The following FAM118B variants were observed in gnomAD, a reference collection of about 807,000 sequenced individuals.
The protein encoded by FAM118B is protein FAM118B.
FAM118B carries 24 observed loss-of-function variants against 38.5 expected under a neutral mutation model. The ratio of observed to expected loss-of-function variants is 0.62; its 90% CI spans 0.45 to 0.88. The LOEUF is 0.88. Among genes scored for constraint, FAM118B ranks in the 40% least tolerant of loss-of-function variants. The pLI is 0.00. For missense variants in FAM118B, 334 were observed against 420.0 expected (o/e 0.80, Z 1.79); for synonymous variants, 138 against 156.3 (o/e 0.88, Z 0.87).
chr11:126,214,064 T>C (rs1245477449), intron 1 of FAM118B, among the ~76,000 whole-genome samples: 2 of 152,188 alleles, frequency 1.3e-5, no homozygotes, highest in Non-Finnish European at 2.9e-5. Context: ...AAAGAATTTA[T>C]GTGGCCGGGC....
intron 7 of FAM118B, chr11:126,261,155 G>GAAATGTAAAATGTAAAATGTA: frequency 5.5e-6 from 2 of 364,604 alleles, no homozygotes; most frequent in South Asian, 8.9e-5. Flanking sequence ...GCCTGTATGT[G>GAAATGTAAAATGTAAAATGTA]AAATGTAAAA....
chr11:126,218,530 G>T (rs370242570), intron 1 of FAM118B, among the ~76,000 whole-genome samples: 2,107 of 151,502 alleles, frequency 0.014, 48 homozygotes, highest in African/African-American at 0.048. Context: ...GGGATTTTGG[G>T]TTTTTTTTTG....
At chr11:126,219,922 T>C (rs1389651559) in intron 1 of FAM118B, among the ~76,000 whole-genome samples, 1 of 151,778 alleles carries the variant, frequency 6.6e-6, no homozygotes, top group East Asian at 1.9e-4. Context: ...AATAAGACAT[T>C]GAAGGAAGAA....
intron 1 of FAM118B, among the ~76,000 whole-genome samples, chr11:126,215,110 T>C (rs973543827): frequency 3.3e-5 from 5 of 152,176 alleles, no homozygotes; most frequent in Non-Finnish European, 7.4e-5. Flanking sequence ...CCAGGAGATG[T>C]GGGACTAGTT....
At chr11:126,219,960 A>G (rs1334997531) in intron 1 of FAM118B, among the ~76,000 whole-genome samples, 1 of 151,584 alleles carries the variant, frequency 6.6e-6, no homozygotes, top group African/African-American at 2.4e-5. Context: ...GCTTATATGT[A>G]TGGAGATTTA....
rs1260082232 is a variant in FAM118B at position 126,253,567 on chromosome 11, G to T, written c.568-738G>T. 6.6e-6 allele frequency among the ~76,000 whole-genome samples: 1 copy of T among 152,124 alleles called. No individual in the cohort carries two copies. Among genetic ancestry groups the T allele is most frequent in the Non-Finnish European group, 1.5e-5 (1 of 68,016 alleles). On this transcript the variant is annotated intron_variant, in intron 5 of 8. Coordinates refer to ENST00000533050, the MANE Select transcript of FAM118B (RefSeq NM_024556.4). This position sits in a 1 kb window ranked among gnomAD's most constrained non-coding sequence, Gnocchi z 5.1. ...TAATGGCCGTGAAACTTTGTGGCTT[G>T]TAACAACAAATATCTTATCTGCCCA...
In FAM118B at chr11:126,255,720, A is replaced by G. The variant is rs759826099; in HGVS notation, c.697-847A>G. Among the ~76,000 whole-genome samples, 4 of 152,248 alleles carry G rather than the reference A, an allele frequency of 2.6e-5. No individual in the cohort carries two copies. Among genetic ancestry groups the G allele is most frequent in the Non-Finnish European group, 5.9e-5 (4 of 68,048 alleles). ...GTAATCCCAACACTTTGGGAGGCTGAGGCAGGCAGATCACATGAGGTCAGG... is the reference window on the plus strand; with the variant it reads ...GTAATCCCAACACTTTGGGAGGCTGGGGCAGGCAGATCACATGAGGTCAGG... On this transcript the variant is annotated intron_variant, in intron 6 of 8. Transcript: ENST00000533050. This position sits in a 1 kb window ranked among gnomAD's most constrained non-coding sequence, Gnocchi z 4.6.
At position 126,238,729 on chromosome 11, in the gene FAM118B, A is replaced by C. The variant is rs185416813; in HGVS notation, c.87-2063A>C. Among the ~76,000 whole-genome samples, 72 of 152,282 alleles carry C rather than the reference A, an allele frequency of 4.7e-4. 1 individual carries two copies. The highest frequency in any genetic ancestry group is 1.5e-3 in the African/African-American group (64 of 41,580). The stretch of plus-strand genomic sequence containing the variant: ...TAACTGATTCTCCTATTTTAGCCCC[A>C]CCAGCCCCTCTACCTTTAGATGTAC... On this transcript the variant is annotated intron_variant, in intron 3 of 8. Transcript: ENST00000533050.
intron 1 of FAM118B, among the ~76,000 whole-genome samples, chr11:126,226,177 T>C (rs1950139462): frequency 1.0e-5 from 1 of 100,210 alleles, no homozygotes; most frequent in Non-Finnish European, 2.0e-5. Flanking sequence ...CGCAAGTTCC[T>C]ATCACTGTGA....
chr11:126,260,767 A>G (rs1950674084), intron 7 of FAM118B: 1 of 152,198 alleles, frequency 6.6e-6, no homozygotes, highest in South Asian at 2.1e-4. Flanking sequence ...CCATATTTCT[A>G]ATGACTATTT....
At chr11:126,222,938 T>C (rs754004654) in intron 1 of FAM118B, among the ~76,000 whole-genome samples, 1 of 152,098 alleles carries the variant, frequency 6.6e-6, no homozygotes, top group Non-Finnish European at 1.5e-5. Flanking sequence ...AGATACAAAC[T>C]AGGAGATGAA....
At chr11:126,220,085 A>G (rs1280126540) in intron 1 of FAM118B, among the ~76,000 whole-genome samples, 1 of 152,184 alleles carries the variant, frequency 6.6e-6, no homozygotes, top group African/African-American at 2.4e-5. Context: ...GCTTTTCTCC[A>G]CATAAATCCG....
intron 2 of FAM118B, 142 bp from the exon 3 acceptor site, chr11:126,234,853 T>G (rs1037727013): frequency 2.2e-5 from 12 of 535,290 alleles, no homozygotes; most frequent in Non-Finnish European, 3.6e-5. Context: ...GTTCATTAAT[T>G]AACAAATTTC....
At chr11:126,248,961 C>G (rs1299686595) in intron 4 of FAM118B, among the ~76,000 whole-genome samples, 1 of 152,230 alleles carries the variant, frequency 6.6e-6, no homozygotes, top group Non-Finnish European at 1.5e-5. Flanking sequence ...TTTGTCTTTT[C>G]AGTTGTAAAG....
intron 4 of FAM118B, among the ~76,000 whole-genome samples, chr11:126,247,891 A>C (rs986500425): frequency 6.8e-6 from 1 of 146,704 alleles, no homozygotes; most frequent in Non-Finnish European, 1.5e-5. Context: ...CTATATATAT[A>C]TATAGATATA....
At chr11:126,261,532 T>C (rs1410754493) in intron 8 of FAM118B, 48 bp downstream of exon 8, 5 of 1,488,100 alleles carry the variant, frequency 3.4e-6, no homozygotes, top group Non-Finnish European at 3.7e-6. Context: ...GCAGAAAGTC[T>C]TTCTAGGTCC....
chr11:126,226,146 G>A (rs2936612), intron 1 of FAM118B, among the ~76,000 whole-genome samples: 2,890 of 109,534 alleles, frequency 0.026, no homozygotes, highest in East Asian at 0.22. Flanking sequence ...TGTGAGTTAG[G>A]CAGGCCAGAA....
chr11:126,240,690 C>G, intron 3 of FAM118B, 102 bp from the exon 4 acceptor site: 1 of 1,233,626 alleles, frequency 8.1e-7, no homozygotes, highest in Non-Finnish European at 1.1e-6. Flanking sequence ...TTCTTTGCAA[C>G]TATAAAAGTT....
At chr11:126,243,157 C>G (rs2135179224) in intron 4 of FAM118B, among the ~76,000 whole-genome samples, 1 of 152,252 alleles carries the variant, frequency 6.6e-6, no homozygotes, top group Middle Eastern at 3.4e-3. Context: ...CAGGCAAATC[C>G]ATAGAACAGA....
Sources: allele counts gnomAD v4.1 joint callset (sites outside exome capture counted in the v4.1 genomes callset), GRCh38; gene constraint gnomAD v4.1.1; non-coding constraint Gnocchi (gnomAD v3.1); transcripts MANE v1.5; gene names NCBI Gene and HGNC (gene_info 2026-07-23, HGNC 2026-07-21).